Variants in APBA1 observed in about 807,000 individuals in gnomAD.
APBA1 encodes the protein amyloid-beta A4 precursor protein-binding family A member 1.
A neutral mutation model predicts 86.6 loss-of-function variants in APBA1; 55 were observed. The ratio of observed to expected loss-of-function variants is 0.64; its 90% CI spans 0.51 to 0.80. The LOEUF (loss-of-function observed/expected upper bound fraction) is 0.80, where lower values mean the gene tolerates loss of function less well. Among genes scored for constraint, APBA1 ranks in the 30% least tolerant of loss-of-function variants. The pLI is 0.00. For synonymous variants in APBA1, 511 were observed against 493.9 expected (o/e 1.03, Z -0.46); for missense variants, 1,090 against 1,183.0 (o/e 0.92, Z 1.15).
chr9:69,449,575 T>C lies in APBA1; in HGVS notation c.2181+9A>G. On this transcript the variant is annotated intron_variant, in intron 10 of 12. Coordinates refer to ENST00000265381, the MANE Select transcript of APBA1 (RefSeq NM_001163.4). ...ACCACATCAACTGATTTTTCCCATA[T>C]TCAGGTACCTTAATAATGCTCTGGC... 3.1e-6 allele frequency: 5 copies of C among 1,612,258 alleles called. No homozygotes were observed. Among genetic ancestry groups the C allele is most frequent in the Non-Finnish European group, 4.2e-6 (5 of 1,178,918 alleles).
At chr9:69,551,125 T>G (rs1836778126) in intron 1 of APBA1, among the ~76,000 whole-genome samples, 1 of 152,214 alleles carries the variant, frequency 6.6e-6, no homozygotes, top group Non-Finnish European at 1.5e-5. Flanking sequence ...GAAAAGTAAT[T>G]TAATGGATAC....
chr9:69,460,653 ATTC>A (rs1313961727), intron 5 of APBA1: 1 of 149,512 alleles, frequency 6.7e-6, no homozygotes, highest in Non-Finnish European at 1.5e-5. Flanking sequence ...GAGTACCCAA[ATTC>A]TTTTTTTTTT....
chr9:69,635,967 G>A (rs937180982), intron 1 of APBA1, among the ~76,000 whole-genome samples: 1 of 152,118 alleles, frequency 6.6e-6, no homozygotes, highest in Non-Finnish European at 1.5e-5. Flanking sequence ...AACAAAGTGA[G>A]GAGACAAGCC....
At chr9:69,649,258 C>G (rs982333236) in intron 1 of APBA1, among the ~76,000 whole-genome samples, 3 of 152,120 alleles carry the variant, frequency 2.0e-5, no homozygotes, top group Admixed American at 2.0e-4. Context: ...TAGAAAAGCA[C>G]AAATCTGATC....
intron 1 of APBA1, among the ~76,000 whole-genome samples, chr9:69,542,926 G>T (rs1406217919): frequency 6.6e-6 from 1 of 152,212 alleles, no homozygotes; most frequent in Non-Finnish European, 1.5e-5. Flanking sequence ...GGGGAGAGAA[G>T]AGAGGGCAAG....
At chr9:69,439,018 T>C (rs1348728629) in intron 11 of APBA1, among the ~76,000 whole-genome samples, 3 of 10,742 alleles carry the variant, frequency 2.8e-4, no homozygotes, top group Non-Finnish European at 6.0e-4. Context: ...GTAATGTACT[T>C]TATTTCTCCT....
At chr9:69,464,425 C>A (rs1372566109) in intron 5 of APBA1, 1 of 152,156 alleles carries the variant, frequency 6.6e-6, no homozygotes, top group Non-Finnish European at 1.5e-5. Flanking sequence ...TTCCTCACGC[C>A]AGAGTAATTT....
At chr9:69,638,264 G>C (rs911904899) in intron 1 of APBA1, among the ~76,000 whole-genome samples, 7 of 152,184 alleles carry the variant, frequency 4.6e-5, no homozygotes, top group Admixed American at 4.6e-4. Context: ...GTTTTGAGAT[G>C]GAGTTTTACT....
chr9:69,614,742 A>G (rs1001739912), intron 1 of APBA1, among the ~76,000 whole-genome samples: 1 of 152,234 alleles, frequency 6.6e-6, no homozygotes, highest in Non-Finnish European at 1.5e-5. Context: ...TCAGAGCTCT[A>G]ATGAAGAAAC....
chr9:69,514,138 T>C (rs1276284275), intron 2 of APBA1, among the ~76,000 whole-genome samples: 1 of 152,200 alleles, frequency 6.6e-6, no homozygotes, highest in Non-Finnish European at 1.5e-5. Flanking sequence ...AAATGGAAAA[T>C]GTCAATAGTG....
intron 2 of APBA1, among the ~76,000 whole-genome samples, chr9:69,495,983 C>T (rs1055790655): frequency 1.3e-5 from 2 of 152,120 alleles, no homozygotes; most frequent in Non-Finnish European, 2.9e-5. Context: ...GCGACACCAA[C>T]ACAGAAAAGG....
chr9:69,518,416 A>G, intron 1 of APBA1, among the ~76,000 whole-genome samples: 1 of 152,204 alleles, frequency 6.6e-6, no homozygotes. Context: ...AGTTGCCATT[A>G]TAGCTAGAAC....
At chr9:69,632,345 C>A (rs1180580834) in intron 1 of APBA1, among the ~76,000 whole-genome samples, 1 of 152,070 alleles carries the variant, frequency 6.6e-6, no homozygotes, top group Non-Finnish European at 1.5e-5. Context: ...CTTCCCTCCC[C>A]CAAAGGTGTC....
intron 1 of APBA1, among the ~76,000 whole-genome samples, chr9:69,654,350 G>A (rs549647192): frequency 1.7e-4 from 26 of 151,792 alleles, no homozygotes; most frequent in East Asian, 5.8e-4. Flanking sequence ...CTGTAATCCC[G>A]ACACTTTGGG....
intron 1 of APBA1, among the ~76,000 whole-genome samples, chr9:69,584,201 A>C (rs776906087): frequency 7.2e-5 from 11 of 152,176 alleles, no homozygotes; most frequent in Admixed American, 5.2e-4. Flanking sequence ...GTATGTTTCC[A>C]TCCATATGTG....
At chr9:69,651,997 A>G (rs1823513533) in intron 1 of APBA1, among the ~76,000 whole-genome samples, 1 of 152,204 alleles carries the variant, frequency 6.6e-6, no homozygotes, top group Non-Finnish European at 1.5e-5. Flanking sequence ...CCCTAATCCA[A>G]CATGACTGGT....
chr9:69,453,605 G>A (rs1243120900), intron 8 of APBA1, among the ~76,000 whole-genome samples: 2 of 152,202 alleles, frequency 1.3e-5, no homozygotes, highest in Non-Finnish European at 2.9e-5. Flanking sequence ...CTATTAGTAT[G>A]ACTGGTCCAC....
At chr9:69,503,930 T>C (rs1266936636) in intron 2 of APBA1, among the ~76,000 whole-genome samples, 2 of 152,144 alleles carry the variant, frequency 1.3e-5, no homozygotes, top group East Asian at 1.9e-4. Context: ...TCTTGGTTTA[T>C]GCTACCATGC....
chr9:69,463,576 T>C (rs904067023), intron 5 of APBA1: 2 of 152,234 alleles, frequency 1.3e-5, no homozygotes, highest in Non-Finnish European at 2.9e-5. Flanking sequence ...AATTAAAGAC[T>C]ACTTTGAAAT....
Sources: allele counts gnomAD v4.1 joint callset (sites outside exome capture counted in the v4.1 genomes callset), GRCh38; gene constraint gnomAD v4.1.1; transcripts MANE v1.5; gene names NCBI Gene and HGNC (gene_info 2026-07-23, HGNC 2026-07-21).